Variants in MAGI2 observed in about 807,000 individuals in gnomAD.
The protein encoded by MAGI2 is membrane-associated guanylate kinase, WW and PDZ domain-containing protein 2.
Under a neutral mutation model 133.3 loss-of-function variants are expected in MAGI2, and 35 were observed. That is an observed-to-expected ratio of 0.26 (90% confidence interval 0.20 to 0.35). MAGI2 has a LOEUF of 0.35. MAGI2 is among the 10% of genes least tolerant of loss of function. The pLI is 1.00. For synonymous variants in MAGI2, 729 were observed against 710.6 expected, an observed-to-expected ratio of 1.03 and a Z score of -0.41; for missense variants, 1,636 against 1,863.4, an observed-to-expected ratio of 0.88 and a Z score of 2.25.
chr7:78,190,648 G>A (rs765136154), intron 12 of MAGI2, among the ~76,000 whole-genome samples: 39 of 152,064 alleles, frequency 2.6e-4, no homozygotes, highest in Admixed American at 4.6e-4. Context: ...AGTGGTGGAC[G>A]CAAGGATGCA....
chr7:78,483,630 TA>T (rs1352021019), intron 6 of MAGI2, among the ~76,000 whole-genome samples: 3 of 151,824 alleles, frequency 2.0e-5, no homozygotes, highest in Non-Finnish European at 4.4e-5. Context: ...TAAATTGTAT[TA>T]TTTCCTCCAC....
Position 78,450,885 on chromosome 7 carries a change from C to T in MAGI2, c.1045+38876G>A, listed in dbSNP as rs183232596. On this transcript the variant is annotated intron_variant, in intron 6 of 21. Coordinates refer to ENST00000354212, the MANE Select transcript of MAGI2 (RefSeq NM_012301.4). ...GCATAGTGATATATTCAAGCAATAG[C>T]GAGAAGAACAGGGACTTCGAGCTTC... Among the ~76,000 whole-genome samples, 20 of 152,066 alleles carry T rather than the reference C, an allele frequency of 1.3e-4. No individual in the cohort carries two copies. In the East Asian group the frequency reaches 3.1e-3, roughly 24 times the overall value.
Position 78,606,185 on chromosome 7 carries a change from TC to T in MAGI2, c.538+20934del, listed in dbSNP as rs764157276. On this transcript the variant is annotated intron_variant, in intron 3 of 21. Transcript: ENST00000354212. Reference sequence around the variant, plus strand: ...AGGAGGGACAGAAGTTCTGAGAAGGTCATGTGCTCAGTTGAATTTTAGTTTG... The same window carrying T: ...AGGAGGGACAGAAGTTCTGAGAAGGTATGTGCTCAGTTGAATTTTAGTTTG... Among the ~76,000 whole-genome samples the T allele has an allele frequency of 8.3e-4, 127 of 152,206 alleles. 1 individual carries two copies. The highest frequency in any genetic ancestry group is 3.3e-3 in the Admixed American group (51 of 15,288).
intron 2 of MAGI2, among the ~76,000 whole-genome samples, chr7:78,656,616 C>CA (rs1812309232): frequency 2.6e-5 from 4 of 152,044 alleles, no homozygotes; most frequent in Admixed American, 2.6e-4. Context: ...TAATGTACAG[C>CA]ATGAGAACTA....
chr7:78,831,034 A>G (rs1791099251), intron 2 of MAGI2, among the ~76,000 whole-genome samples: 1 of 151,766 alleles, frequency 6.6e-6, no homozygotes, highest in South Asian at 2.1e-4. Context: ...TGTACAATAT[A>G]ACATTTGGTT....
chr7:78,070,560 G>A (rs1364799903), intron 21 of MAGI2, among the ~76,000 whole-genome samples: 1 of 100,518 alleles, frequency 9.9e-6, no homozygotes, highest in African/African-American at 4.0e-5. Flanking sequence ...GTGTATATAT[G>A]TATATATATG....
intron 1 of MAGI2, among the ~76,000 whole-genome samples, chr7:79,158,141 G>C (rs891108429): frequency 6.6e-6 from 1 of 151,768 alleles, no homozygotes; most frequent in Non-Finnish European, 1.5e-5. Flanking sequence ...CAAATTTAGG[G>C]CTATTTAGCT....
chr7:78,573,452 G>C (rs917064498), intron 3 of MAGI2, among the ~76,000 whole-genome samples: 23 of 115,932 alleles, frequency 2.0e-4, no homozygotes, highest in African/African-American at 8.2e-4. Context: ...GGGTCATATG[G>C]CCCAAGTGGC....
intron 2 of MAGI2, among the ~76,000 whole-genome samples, chr7:78,987,772 T>G (rs1421757475): frequency 6.6e-6 from 1 of 152,068 alleles, no homozygotes; most frequent in Non-Finnish European, 1.5e-5. Flanking sequence ...TGATGTGTTT[T>G]GTTTGCACTG....
chr7:79,247,017 G>C (rs1222464551), intron 1 of MAGI2, among the ~76,000 whole-genome samples: 1 of 151,962 alleles, frequency 6.6e-6, no homozygotes, highest in African/African-American at 2.4e-5. Flanking sequence ...AAGTACTGAA[G>C]GAAGAAACTT....
chr7:79,239,889 A>G (rs1394831445), intron 1 of MAGI2, among the ~76,000 whole-genome samples: 1 of 152,210 alleles, frequency 6.6e-6, no homozygotes, highest in African/African-American at 2.4e-5. Flanking sequence ...CCTTGTGGAT[A>G]AAACTTACTG....
At chr7:78,573,153 G>A (rs187976868) in intron 3 of MAGI2, among the ~76,000 whole-genome samples, 994 of 77,650 alleles carry the variant, frequency 0.013, 27 homozygotes, top group African/African-American at 0.048. Flanking sequence ...ATATATATAG[G>A]CTATATATAT....
intron 1 of MAGI2, among the ~76,000 whole-genome samples, chr7:79,330,300 T>C (rs890650541): frequency 1.4e-5 from 2 of 147,060 alleles, no homozygotes; most frequent in Admixed American, 1.4e-4. Flanking sequence ...TTCATGCCAT[T>C]CTTCTGCCTT....
chr7:78,392,362 G>A (rs1173314787), intron 6 of MAGI2, among the ~76,000 whole-genome samples: 2 of 152,112 alleles, frequency 1.3e-5, no homozygotes, highest in African/African-American at 2.4e-5. Context: ...GGTAAAAGAT[G>A]GGGAAAAGTG....
At chr7:78,339,518 T>C (rs138626133) in intron 9 of MAGI2, among the ~76,000 whole-genome samples, 2,172 of 152,316 alleles carry the variant, frequency 0.014, 55 homozygotes, top group African/African-American at 0.05. Flanking sequence ...CATGAAATAG[T>C]GGAAAGAAAA....
chr7:78,120,562 T>C (rs897099219), intron 20 of MAGI2, among the ~76,000 whole-genome samples: 3 of 152,176 alleles, frequency 2.0e-5, no homozygotes, highest in African/African-American at 7.2e-5. Context: ...TAGCTAAGTA[T>C]GGCATTGATG....
At chr7:78,304,936 G>T (rs1296582656) in intron 9 of MAGI2, among the ~76,000 whole-genome samples, 1 of 152,176 alleles carries the variant, frequency 6.6e-6, no homozygotes, top group African/African-American at 2.4e-5. Flanking sequence ...GGAGACCAGT[G>T]TGTGTGGAAT....
At chr7:79,168,903 T>G (rs1453630934) in intron 1 of MAGI2, among the ~76,000 whole-genome samples, 8 of 8,668 alleles carry the variant, frequency 9.2e-4, no homozygotes, top group Non-Finnish European at 3.3e-3. Context: ...TATATATATA[T>G]ATATATATAT....
chr7:78,747,827 TCATGGGA>T, intron 2 of MAGI2, among the ~76,000 whole-genome samples: 1 of 152,298 alleles, frequency 6.6e-6, no homozygotes, highest in African/African-American at 2.4e-5. Context: ...CCAAAGGCTT[TCATGGGA>T]CAGGTGGAAA....
Sources: allele counts gnomAD v4.1 joint callset (sites outside exome capture counted in the v4.1 genomes callset), GRCh38; gene constraint gnomAD v4.1.1; transcripts MANE v1.5; gene names NCBI Gene and HGNC (gene_info 2026-07-23, HGNC 2026-07-21).